Variants in DPP6 observed in about 807,000 individuals in gnomAD.
DPP6 encodes A-type potassium channel modulatory protein DPP6.
A neutral mutation model predicts 122.6 loss-of-function variants in DPP6; 69 were observed. The observed-to-expected ratio is 0.56, with a 90% CI of 0.46 to 0.69. The LOEUF is 0.69. Ranked by LOEUF, DPP6 falls within the 30% of genes least tolerant of loss-of-function variation. DPP6 has a pLI of 0.00. For missense variants in DPP6, 928 were observed against 1,116.9 expected (o/e 0.83, Z 2.41); for synonymous variants, 418 against 433.1 (o/e 0.97, Z 0.43).
chr7:154,249,157 A>G (rs148681313), intron 1 of DPP6, among the ~76,000 whole-genome samples: 8 of 152,358 alleles, frequency 5.3e-5, no homozygotes, highest in African/African-American at 1.7e-4. Context: ...ATTATGACAA[A>G]GCACTGGTGT....
Position 154,875,871 on chromosome 7 carries a change from C to T in DPP6, c.1884-35C>T. 6.3e-7 allele frequency: 1 copy of T among 1,582,696 alleles called. No individual in the cohort carries two copies. Among genetic ancestry groups the T allele is most frequent in the Non-Finnish European group, 8.6e-7 (1 of 1,165,662 alleles). ...GCTAGACCAGCCGCCACCCACCACG[C>T]AGCAGGCCTGCTGAGCCCGGGATTC... On this transcript the variant is annotated intron_variant, in intron 19 of 25. Coordinates refer to ENST00000377770, the MANE Select transcript of DPP6 (RefSeq NM_130797.4). The surrounding 1 kb of genome is among the most constrained non-coding windows in gnomAD (Gnocchi z 4.5).
intron 1 of DPP6, among the ~76,000 whole-genome samples, chr7:154,275,667 C>T (rs1209878600): frequency 6.6e-6 from 1 of 152,236 alleles, no homozygotes; most frequent in Non-Finnish European, 1.5e-5. Flanking sequence ...GGATTGTCCC[C>T]TGCAGATGTG....
At chr7:153,761,637 T>C in the DPP6 span, among the ~76,000 whole-genome samples, 1 of 152,174 alleles carries the variant, frequency 6.6e-6, no homozygotes, top group Non-Finnish European at 1.5e-5. Context: ...GTATCACTTA[T>C]GGTCAAAAGC....
At chr7:154,463,942 A>G (rs944487384) in intron 2 of DPP6, among the ~76,000 whole-genome samples, 12 of 151,870 alleles carry the variant, frequency 7.9e-5, no homozygotes, top group African/African-American at 2.9e-4. Flanking sequence ...TGATGCAAGC[A>G]CTCCCTTGGC....
chr7:153,933,425 A>C (rs12533668), intron 1 of DPP6, among the ~76,000 whole-genome samples: 6 of 151,982 alleles, frequency 3.9e-5, no homozygotes. Context: ...GTCTATGTTT[A>C]TTTATAATAA....
At chr7:154,111,697 T>C in intron 1 of DPP6, among the ~76,000 whole-genome samples, 1 of 151,654 alleles carries the variant, frequency 6.6e-6, no homozygotes, top group South Asian at 2.1e-4. Flanking sequence ...AAATTAGATG[T>C]CTCTTCTGAT....
chr7:153,933,494 T>C (rs1480371191), intron 1 of DPP6, among the ~76,000 whole-genome samples: 1 of 152,244 alleles, frequency 6.6e-6, no homozygotes, highest in African/African-American at 2.4e-5. Flanking sequence ...CGAACACTTC[T>C]GCCATCTTAA....
Position 154,720,777 on chromosome 7 carries a change from C to T in DPP6, c.763-6990C>T, listed in dbSNP as rs547799179. ...CTGAAAAAGGGGTGGGCAGCCCCTT[C>T]ACCAGAACGGAATGCAAGTGCTGAG... On this transcript the variant is annotated intron_variant, in intron 7 of 25. Coordinates refer to ENST00000377770, the MANE Select transcript of DPP6 (RefSeq NM_130797.4). Among the ~76,000 whole-genome samples, 4 of 152,370 alleles carry T rather than the reference C, an allele frequency of 2.6e-5. 1 individual carries two copies. The South Asian group carries it at 8.3e-4, about 32-fold the overall frequency.
At chr7:154,349,522 T>G (rs78309297) in intron 1 of DPP6, among the ~76,000 whole-genome samples, 2,812 of 152,350 alleles carry the variant, frequency 0.018, 24 homozygotes, top group Non-Finnish European at 0.03. Flanking sequence ...CATTTTCATT[T>G]AAACACATAC....
At position 154,240,389 on chromosome 7, in the gene DPP6, A is replaced by G. The variant is rs576414405; in HGVS notation, c.243+187326A>G. 5.8e-4 allele frequency among the ~76,000 whole-genome samples: 88 copies of G among 152,312 alleles called. 2 individuals carry two copies. In the South Asian group the frequency reaches 0.018, roughly 31 times the overall value. On this transcript the variant is annotated intron_variant, in intron 1 of 25. Coordinates refer to ENST00000377770, the MANE Select transcript of DPP6 (RefSeq NM_130797.4). ...TGACCAGCCTTCCCTGACTGTGCAC[A>G]CTGATTTTATCTCAATACAGTCCAC...
intron 1 of DPP6, among the ~76,000 whole-genome samples, chr7:154,196,635 C>T (rs1798882256): frequency 6.6e-6 from 1 of 152,176 alleles, no homozygotes; most frequent in Non-Finnish European, 1.5e-5. Context: ...CATTGCACTG[C>T]CTCCTTCCAA....
the DPP6 span, among the ~76,000 whole-genome samples, chr7:153,829,088 A>C: frequency 1.3e-5 from 2 of 152,246 alleles, no homozygotes; most frequent in Non-Finnish European, 2.9e-5. Flanking sequence ...AGGCAGGCCC[A>C]GGAGCCAGTG....
At chr7:154,702,647 C>T (rs950219410) in intron 7 of DPP6, among the ~76,000 whole-genome samples, 5 of 152,268 alleles carry the variant, frequency 3.3e-5, no homozygotes, top group East Asian at 1.9e-4. Flanking sequence ...AGGGAGGTAA[C>T]GAGGCTATAG....
chr7:154,698,181 G>T (rs1247847719), intron 7 of DPP6, among the ~76,000 whole-genome samples: 1 of 152,002 alleles, frequency 6.6e-6, no homozygotes, highest in African/African-American at 2.4e-5. Flanking sequence ...GATACAATTA[G>T]CATTGTATAC....
At chr7:153,843,132 T>TTGCATACAGACACGTGCATGCACATATG in the DPP6 span, among the ~76,000 whole-genome samples, 6 of 149,484 alleles carry the variant, frequency 4.0e-5, no homozygotes, top group African/African-American at 1.5e-4. Context: ...GCATACACAC[T>TTGCATACAGACACGTGCATGCACATATG]TGCATACAGA....
intron 1 of DPP6, among the ~76,000 whole-genome samples, chr7:154,160,404 T>C (rs961656260): frequency 2.0e-5 from 3 of 152,222 alleles, no homozygotes; most frequent in South Asian, 2.1e-4. Context: ...ATGCAGGCTT[T>C]CTAAAGTCAT....
chr7:153,850,416 G>A, the DPP6 span, among the ~76,000 whole-genome samples: 1 of 152,150 alleles, frequency 6.6e-6, no homozygotes, highest in African/African-American at 2.4e-5. Flanking sequence ...GAGCCAGCAA[G>A]GGAGCGAGTC....
At chr7:153,931,769 T>C (rs935411287) in intron 1 of DPP6, among the ~76,000 whole-genome samples, 1 of 152,220 alleles carries the variant, frequency 6.6e-6, no homozygotes, top group Non-Finnish European at 1.5e-5. Flanking sequence ...AGCCTAAGCA[T>C]TGTATTTCAA....
chr7:154,261,595 A>G (rs892261068), intron 1 of DPP6, among the ~76,000 whole-genome samples: 6 of 152,208 alleles, frequency 3.9e-5, no homozygotes, highest in African/African-American at 1.4e-4. Flanking sequence ...CAGCAGAATA[A>G]ACAGAAAACC....
Sources: allele counts gnomAD v4.1 joint callset (sites outside exome capture counted in the v4.1 genomes callset), GRCh38; gene constraint gnomAD v4.1.1; non-coding constraint Gnocchi (gnomAD v3.1); transcripts MANE v1.5; gene names NCBI Gene and HGNC (gene_info 2026-07-23, HGNC 2026-07-21).